ZFAND5: variants seen among roughly 807,000 people sequenced by gnomAD.
The protein encoded by ZFAND5 is zinc finger AN1-type containing 5, also known as AN1-type zinc finger protein 5.
In ZFAND5, 4 loss-of-function variants were observed where a neutral mutation model predicts 23.6. That is an observed-to-expected ratio of 0.17 (90% CI 0.08 to 0.39). ZFAND5 has a LOEUF of 0.39. Ranked by LOEUF, ZFAND5 falls within the 10% of genes least tolerant of loss-of-function variation. The pLI, the probability that ZFAND5 is intolerant of heterozygous loss-of-function variation, is 1.00. For missense variants in ZFAND5, 161 were observed against 253.7 expected (o/e 0.63, Z 2.48); for synonymous variants, 68 against 80.6 (o/e 0.84, Z 0.84).
Position 72,364,503 on chromosome 9 carries a change from G to C in ZFAND5, c.-147+193C>G, listed in dbSNP as rs769299976. The C allele has an allele frequency of 1.8e-5, 23 of 1,281,064 alleles. No individual in the cohort carries two copies. The South Asian group carries it at 2.6e-4, about 15-fold the overall frequency. 79.4% of individuals were successfully genotyped at this position (1,281,064 alleles called of 1,614,324 possible). ...CCAGGGACGCCGGGAGCCAGGTCTC[G>C]GGCCACGACGACAGGATGACGCCTC... On this transcript the variant is annotated intron_variant, in intron 1 of 6. Transcript: ENST00000376962.
intron 5 of ZFAND5, among the ~76,000 whole-genome samples, chr9:72,357,599 C>A (rs1211020093): frequency 6.6e-6 from 1 of 152,134 alleles, no homozygotes; most frequent in Non-Finnish European, 1.5e-5. Context: ...CCAAAACAAT[C>A]ATTTTACCAT....
chr9:72,358,554 C>T (rs561947104), intron 5 of ZFAND5, among the ~76,000 whole-genome samples: 3 of 152,180 alleles, frequency 2.0e-5, no homozygotes, highest in South Asian at 2.1e-4. Context: ...AAAGGCATCA[C>T]GGGCAAACTA....
At chr9:72,359,129 C>T (rs1432588255) in intron 5 of ZFAND5, among the ~76,000 whole-genome samples, 1 of 152,104 alleles carries the variant, frequency 6.6e-6, no homozygotes, top group African/African-American at 2.4e-5. Flanking sequence ...TGAAATTTAA[C>T]TTCATCAAGT....
In ZFAND5 at chr9:72,355,034, C is replaced by CTT. The variant is rs1344407464; in HGVS notation, c.*917_*918dup. On this transcript the variant is annotated 3_prime_UTR_variant, in exon 7 of 7. Transcript: ENST00000376962. ...GTACAGTTACATTAAGAACTGAAGT[C>CTT]TTTTAAAAAGCTTTAAACATTCTTT... 3.3e-5 allele frequency: 5 copies of CTT among 152,722 alleles called. No individual in the cohort carries two copies. The highest frequency in any genetic ancestry group is 1.2e-4 in the African/African-American group (5 of 41,558). The allele number at this position is 152,722 out of a possible 1,614,324, so 9.5% of individuals were successfully genotyped here.
intron 3 of ZFAND5, 136 bp downstream of exon 3, chr9:72,360,492 T>C (rs900588790): frequency 1.4e-5 from 16 of 1,168,318 alleles, no homozygotes; most frequent in Non-Finnish European, 1.7e-5. Flanking sequence ...TGTCAAGCAC[T>C]TGGGCTGTTG....
At chr9:72,356,670 C>G (rs547365452) in intron 6 of ZFAND5, among the ~76,000 whole-genome samples, 1 of 152,100 alleles carries the variant, frequency 6.6e-6, no homozygotes, top group Non-Finnish European at 1.5e-5. Context: ...GTAACATTTT[C>G]CCTAGGTATA....
chr9:72,364,250 G>A (rs1260292803), intron 1 of ZFAND5: 1 of 384,800 alleles, frequency 2.6e-6, no homozygotes, highest in Non-Finnish European at 4.2e-6. Context: ...TTCGCCTGCA[G>A]GCCCCACGCG....
Position 72,364,967 on chromosome 9 carries a change from C to CG in ZFAND5, c.-419dup, listed in dbSNP as rs1472259294. 1 of 152,696 alleles carries CG rather than the reference C, an allele frequency of 6.5e-6. No homozygotes were observed. The highest frequency in any genetic ancestry group is 2.4e-5 in the African/African-American group (1 of 41,464). 9.5% of individuals were successfully genotyped at this position (152,696 alleles called of 1,614,324 possible). A position where few individuals can be genotyped will look rare whatever the true frequency, so the allele number is the denominator to read the frequency against. The stretch of plus-strand genomic sequence containing the variant: ...GCCGAGGAGGAGGTGGAGGGAGGAC[C>CG]GGCGGCCGCAGCGGCTAACGCTGCT... On this transcript the variant is annotated 5_prime_UTR_variant, in exon 1 of 7. Coordinates refer to ENST00000376962, the MANE Select transcript of ZFAND5 (RefSeq NM_001102420.3).
chr9:72,358,777 A>G (rs1393962574), intron 5 of ZFAND5, among the ~76,000 whole-genome samples: 1 of 152,158 alleles, frequency 6.6e-6, no homozygotes, highest in African/African-American at 2.4e-5. Context: ...GCACTCTGCC[A>G]AAAAAGAACA....
chr9:72,364,465 G>A lies in ZFAND5; in HGVS notation c.-147+231C>T, dbSNP rs1248864505. On this transcript the variant is annotated intron_variant, in intron 1 of 6. Coordinates refer to ENST00000376962, the MANE Select transcript of ZFAND5 (RefSeq NM_001102420.3). ...ACGCCGTGCATTGTTTCCCGACCGT[G>A]CTGTGGAGCGAGCCAGGGACGCCGG... 5.5e-6 allele frequency: 7 copies of A among 1,279,086 alleles called. No homozygotes were observed. The Admixed American group carries it at 1.6e-4, about 30-fold the overall frequency. 79.2% of individuals were successfully genotyped at this position (1,279,086 alleles called of 1,614,324 possible). A position where few individuals can be genotyped will look rare whatever the true frequency, so the allele number is the denominator to read the frequency against.
chr9:72,363,231 T>C (rs541419254), intron 2 of ZFAND5, among the ~76,000 whole-genome samples: 68 of 152,340 alleles, frequency 4.5e-4, no homozygotes, highest in African/African-American at 1.6e-3. Context: ...ATACCATTAC[T>C]ATTTATTGCC....
chr9:72,359,670 G>T, intron 4 of ZFAND5, 149 bp from the exon 5 acceptor site: 1 of 742,892 alleles, frequency 1.3e-6, no homozygotes, highest in Non-Finnish European at 2.1e-6. Context: ...AAAATTGGAT[G>T]CCCAGCACAA....
At chr9:72,363,728 G>GA in intron 1 of ZFAND5, 122 bp from the exon 2 acceptor site, 1 of 780,704 alleles carries the variant, frequency 1.3e-6, no homozygotes, top group Non-Finnish European at 1.6e-6. Flanking sequence ...ACTGAGTTCT[G>GA]AAAGCCTACT....
Position 72,354,679 on chromosome 9 carries a change from A to G in ZFAND5, c.*1274T>C, listed in dbSNP as rs577996790. ...ATAAATCAGAAGTAGTGCCTCGTGT[A>G]CATACTTAACTATTTACAGATGAAA... On this transcript the variant is annotated 3_prime_UTR_variant, in exon 7 of 7. Coordinates refer to ENST00000376962, the MANE Select transcript of ZFAND5 (RefSeq NM_001102420.3). 6.5e-6 allele frequency: 1 copy of G among 152,766 alleles called. No individual in the cohort carries two copies. The highest frequency in any genetic ancestry group is 2.4e-5 in the African/African-American group (1 of 41,588). 9.5% of individuals were successfully genotyped at this position (152,766 alleles called of 1,614,324 possible). A position where few individuals can be genotyped will look rare whatever the true frequency, so the allele number is the denominator to read the frequency against.
Position 72,360,670 on chromosome 9 carries a change from G to A in ZFAND5, c.109C>T (p.His37Tyr). 1 of 1,613,944 alleles carries A rather than the reference G, an allele frequency of 6.2e-7. No homozygotes were observed. The highest frequency in any genetic ancestry group is 8.5e-7 in the Non-Finnish European group (1 of 1,179,916). The change falls in exon 3 of 7, where the codon CAT becomes TAT. Residue 37 changes from histidine to tyrosine, a missense_variant. Coordinates refer to ENST00000376962, the MANE Select transcript of ZFAND5 (RefSeq NM_001102420.3). The part of the protein sequence containing the change: ...NGMCSVCYKE[H>Y]LQRQQNSGRM... The stretch of plus-strand genomic sequence containing the variant: ...CCACTATTTTGCTGCCTCTGAAGAT[G>A]TTCTTTGTAGCAAACTGAACACATT...
intron 1 of ZFAND5, 42 bp from the exon 2 acceptor site, chr9:72,363,648 A>T (rs895720686): frequency 2.0e-6 from 2 of 983,782 alleles, no homozygotes; most frequent in South Asian, 4.7e-5. Context: ...AGAATCCTTA[A>T]TTTTTTAGGG....
intron 5 of ZFAND5, among the ~76,000 whole-genome samples, chr9:72,359,074 A>T (rs1014239040): frequency 6.6e-6 from 1 of 152,186 alleles, no homozygotes; most frequent in Non-Finnish European, 1.5e-5. Flanking sequence ...ACAATATCAA[A>T]ACTAAAGTTA....
At chr9:72,357,321 G>C (rs868348098) in intron 5 of ZFAND5, among the ~76,000 whole-genome samples, 64 of 152,152 alleles carry the variant, frequency 4.2e-4, no homozygotes, top group African/African-American at 1.4e-3. Flanking sequence ...TAAAACACTG[G>C]TAACAGCCAG....
rs145539714 is a variant in ZFAND5, at chr9:72,360,091, C to A, written c.263+19G>T. On this transcript the variant is annotated intron_variant, in intron 4 of 6. Transcript: ENST00000376962. The stretch of plus-strand genomic sequence containing the variant: ...TCTTCTTTGTAATATCATAAAAACT[C>A]TGAAACGTTCAATCTTACCTTGATT... 6.3e-7 allele frequency: 1 copy of A among 1,596,230 alleles called. No individual in the cohort carries two copies. Among genetic ancestry groups the A allele is most frequent in the East Asian group, 2.2e-5 (1 of 44,726 alleles).
Sources: gnomAD v4.1 joint callset for allele counts (sites outside exome capture counted in the v4.1 genomes callset) on GRCh38, gnomAD v4.1.1 for gene constraint, MANE v1.5 for transcripts, NCBI Gene and HGNC (gene_info 2026-07-23, HGNC 2026-07-21) for gene names.